Variants in BCAR3 observed in about 807,000 individuals in gnomAD.
BCAR3 encodes the protein BCAR3 adaptor protein, NSP family member.
In BCAR3, 37 loss-of-function variants were observed where a neutral mutation model predicts 80.1. The observed-to-expected ratio is 0.46, with a 90% CI of 0.36 to 0.61. The LOEUF (loss-of-function observed/expected upper bound fraction) is 0.61. Ranked by LOEUF, BCAR3 falls within the 20% of genes least tolerant of loss-of-function variation. The pLI is 0.00. For missense variants in BCAR3, 978 were observed against 1,068.2 expected (o/e 0.92, Z 1.18); for synonymous variants, 389 against 418.9 (o/e 0.93, Z 0.87).
At chr1:93,703,430 C>T (rs370384721) in intron 3 of BCAR3, among the ~76,000 whole-genome samples, 11 of 151,896 alleles carry the variant, frequency 7.2e-5, no homozygotes, top group African/African-American at 1.9e-4. Flanking sequence ...TAGCAGGTGT[C>T]GTGGTACACT....
At chr1:93,688,289 G>T (rs1302248864) in intron 3 of BCAR3, among the ~76,000 whole-genome samples, 1 of 152,072 alleles carries the variant, frequency 6.6e-6, no homozygotes, top group Non-Finnish European at 1.5e-5. Flanking sequence ...GACAACATAG[G>T]CTCATTTTCT....
At chr1:93,807,910 C>A (rs997889724) in intron 2 of BCAR3, among the ~76,000 whole-genome samples, 1 of 151,824 alleles carries the variant, frequency 6.6e-6, no homozygotes, top group South Asian at 2.1e-4. Context: ...TGGTACAGAC[C>A]TGTAGTCCCA....
intron 2 of BCAR3, among the ~76,000 whole-genome samples, chr1:93,803,398 GAAT>G (rs1653554813): frequency 6.6e-6 from 1 of 152,108 alleles, no homozygotes; most frequent in African/African-American, 2.4e-5. Flanking sequence ...TAGCAATTTA[GAAT>G]AATAATAACA....
intron 2 of BCAR3, among the ~76,000 whole-genome samples, chr1:93,797,481 C>A (rs1653318652): frequency 6.6e-6 from 1 of 151,962 alleles, no homozygotes. Context: ...GAGTATATCT[C>A]CTTTCAGTAA....
At chr1:93,589,770 A>C (rs1179707812) in intron 4 of BCAR3, among the ~76,000 whole-genome samples, 1 of 152,196 alleles carries the variant, frequency 6.6e-6, no homozygotes, top group African/African-American at 2.4e-5. Context: ...AGGTCAGGGA[A>C]GAAGTAAACC....
At chr1:93,666,812 T>C (rs956865308) in intron 2 of BCAR3, among the ~76,000 whole-genome samples, 7 of 152,204 alleles carry the variant, frequency 4.6e-5, no homozygotes, top group South Asian at 2.1e-4. Context: ...CCAAGGCTCA[T>C]TGCTGTAGGG....
chr1:93,685,310 A>G (rs931904597), upstream of BCAR3, among the ~76,000 whole-genome samples: 3 of 152,050 alleles, frequency 2.0e-5, no homozygotes, highest in South Asian at 2.1e-4. Context: ...AAGTACTGCT[A>G]TTAGTACTGC....
intron 8 of BCAR3, among the ~76,000 whole-genome samples, chr1:93,573,655 G>T (rs1452962247): frequency 1.4e-5 from 2 of 140,084 alleles, no homozygotes; most frequent in Non-Finnish European, 3.0e-5. Context: ...TTGAGACAGG[G>T]TTTTGCTCTG....
chr1:93,811,587 A>G (rs370515161), intron 2 of BCAR3, among the ~76,000 whole-genome samples: 48 of 152,224 alleles, frequency 3.2e-4, no homozygotes, highest in African/African-American at 1.2e-3. Context: ...GCTTTGGAAC[A>G]AATCCAACCT....
chr1:93,699,237 GGT>G (rs1649546326), intron 3 of BCAR3, among the ~76,000 whole-genome samples: 1 of 152,178 alleles, frequency 6.6e-6, no homozygotes, highest in Admixed American at 6.5e-5. Context: ...CGACACATGG[GGT>G]TTTCTTAACT....
At chr1:93,686,368 C>A (rs1039704632), upstream of BCAR3, among the ~76,000 whole-genome samples, 1 of 152,094 alleles carries the variant, frequency 6.6e-6, no homozygotes, top group African/African-American at 2.4e-5. Flanking sequence ...TGTGCCTGTG[C>A]ATAGCCACTG....
intron 2 of BCAR3, among the ~76,000 whole-genome samples, chr1:93,668,880 T>A (rs1471363872): frequency 6.6e-6 from 1 of 151,938 alleles, no homozygotes; most frequent in Admixed American, 6.6e-5. Flanking sequence ...CCCAACTAAT[T>A]TTTGTATTAT....
At chr1:93,666,949 C>A (rs1398151465) in intron 2 of BCAR3, among the ~76,000 whole-genome samples, 1 of 152,178 alleles carries the variant, frequency 6.6e-6, no homozygotes, top group Non-Finnish European at 1.5e-5. Context: ...CAGCTCTAGC[C>A]TTCCAGGAGG....
intron 1 of BCAR3, among the ~76,000 whole-genome samples, chr1:93,846,332 G>A (rs1256241004): frequency 6.6e-6 from 1 of 152,216 alleles, no homozygotes; most frequent in Non-Finnish European, 1.5e-5. Context: ...TGGCCGAGCC[G>A]AGAAAGCGCG....
At chr1:93,821,076 G>C (rs1654202649) in intron 2 of BCAR3, among the ~76,000 whole-genome samples, 1 of 152,138 alleles carries the variant, frequency 6.6e-6, no homozygotes. Flanking sequence ...GCTAGGAACT[G>C]GGGCAGAGAC....
chr1:93,573,615 A>ATTTGT lies in BCAR3; in HGVS notation c.1803-1775_1803-1774insACAAA, dbSNP rs919862286. Among the ~76,000 whole-genome samples the ATTTGT allele has an allele frequency of 3.8e-4, 49 of 129,760 alleles. 5 individuals are homozygous for ATTTGT. The highest frequency in any genetic ancestry group is 5.5e-4 in the Non-Finnish European group (33 of 59,998). The allele number at this position is 129,760 out of a possible 152,430, so 85.1% of individuals were successfully genotyped here. On this transcript the variant is annotated intron_variant, in intron 8 of 11. Coordinates refer to ENST00000260502, the MANE Select transcript of BCAR3 (RefSeq NM_003567.4). The stretch of plus-strand genomic sequence containing the variant: ...CATAGACCTAAAATATATTTTTATT[A>ATTTGT]TTATTATTATTATTATTATTTTTTT...
chr1:93,596,643 G>A (rs902979543), intron 3 of BCAR3, among the ~76,000 whole-genome samples: 7 of 152,158 alleles, frequency 4.6e-5, no homozygotes, highest in Non-Finnish European at 8.8e-5. Context: ...ATAATCATTC[G>A]CTCACATAAA....
chr1:93,647,705 C>G (rs369308143), intron 2 of BCAR3, among the ~76,000 whole-genome samples: 11 of 152,122 alleles, frequency 7.2e-5, no homozygotes, highest in African/African-American at 2.7e-4. Flanking sequence ...AGCGCTCTCA[C>G]GTATAAGGTA....
At chr1:93,616,748 C>T (rs1248882444) in intron 3 of BCAR3, among the ~76,000 whole-genome samples, 1 of 152,206 alleles carries the variant, frequency 6.6e-6, no homozygotes, top group Non-Finnish European at 1.5e-5. Flanking sequence ...AAACACCATG[C>T]CCCTTTCGGG....
Sources: gnomAD v4.1 joint callset for allele counts (sites outside exome capture counted in the v4.1 genomes callset) on GRCh38, gnomAD v4.1.1 for gene constraint, MANE v1.5 for transcripts, NCBI Gene and HGNC (gene_info 2026-07-23, HGNC 2026-07-21) for gene names.